The following ODAD4 variants were observed in gnomAD, a reference collection of about 807,000 sequenced individuals.
ODAD4 encodes outer dynein arm docking complex subunit 4, also known as outer dynein arm-docking complex subunit 4.
ODAD4 carries 49 observed loss-of-function variants against 51.8 expected under a neutral mutation model. The ratio of observed to expected loss-of-function variants is 0.95; its 90% CI spans 0.75 to 1.20. The LOEUF (loss-of-function observed/expected upper bound fraction) is 1.20. ODAD4 is among the 50% of genes most tolerant of loss of function. The pLI, the probability that ODAD4 is intolerant of heterozygous loss-of-function variation, is 0.00. For missense variants in ODAD4, 590 were observed against 586.5 expected (o/e 1.01, Z -0.06); for synonymous variants, 235 against 221.3 (o/e 1.06, Z -0.55).
intron 10 of ODAD4, 111 bp downstream of exon 10, chr17:41,955,428 T>G: frequency 1.6e-6 from 1 of 635,306 alleles, no homozygotes; most frequent in Non-Finnish European, 2.8e-6. Context: ...TTTTTTTGTT[T>G]GTTTGTTTAT....
intron 9 of ODAD4, among the ~76,000 whole-genome samples, chr17:41,953,069 A>AT (rs1567936829): frequency 6.6e-6 from 1 of 151,630 alleles, no homozygotes; most frequent in East Asian, 1.9e-4. Context: ...ATTTTATTTT[A>AT]TTTATTTTTG....
At chr17:41,935,906 G>A (rs527853678) in intron 3 of ODAD4, among the ~76,000 whole-genome samples, 157 bp downstream of exon 3, 11 of 152,308 alleles carry the variant, frequency 7.2e-5, no homozygotes, top group African/African-American at 1.9e-4. Flanking sequence ...AGGATTAGCC[G>A]GGCATGGTGG....
chr17:41,955,171 G>A (rs781991510), intron 9 of ODAD4, 46 bp from the exon 10 acceptor site: 15 of 750,058 alleles, frequency 2.0e-5, no homozygotes, highest in African/African-American at 6.8e-5. Flanking sequence ...TGCACCACAC[G>A]TTGTCACACT....
Position 41,936,842 on chromosome 17 carries a change from G to A in ODAD4, c.540G>A (p.Ser180=), listed in dbSNP as rs1172489262. 2.0e-5 allele frequency: 32 copies of A among 1,613,816 alleles called. No homozygotes were observed. Among genetic ancestry groups the A allele is most frequent in the East Asian group, 1.3e-4 (6 of 44,892 alleles). The part of the protein sequence containing the change: ...PTKGEPKWKA[S]LKSEKTVRQL... ...AGGGAGAGCCCAAGTGGAAGGCCTC[G>A]CTCAAGAGTGAGAAGACTGTCCGCC... The change falls in exon 5 of 12, where the codon TCG becomes TCA. Residue 180 remains serine, a synonymous_variant. Transcript: ENST00000377540.
intron 10 of ODAD4, among the ~76,000 whole-genome samples, chr17:41,955,743 A>G (rs781808242): frequency 6.6e-6 from 1 of 151,946 alleles, no homozygotes; most frequent in Non-Finnish European, 1.5e-5. Flanking sequence ...AATTTTACAA[A>G]ATATATTTAC....
At chr17:41,941,117 G>C (rs191406974) in intron 7 of ODAD4, among the ~76,000 whole-genome samples, 18 of 152,318 alleles carry the variant, frequency 1.2e-4, no homozygotes, top group Non-Finnish European at 2.5e-4. Context: ...GCCATGTCTT[G>C]TCCTGTCCAT....
intron 10 of ODAD4, among the ~76,000 whole-genome samples, chr17:41,957,224 A>G (rs1340132113): frequency 6.6e-6 from 1 of 152,074 alleles, no homozygotes; most frequent in Non-Finnish European, 1.5e-5. Flanking sequence ...AGCAGTCCCC[A>G]AGCTTTTTGG....
At chr17:41,938,485 C>T (rs1197320285) in intron 5 of ODAD4, 72 bp from the exon 6 acceptor site, 32 of 1,309,260 alleles carry the variant, frequency 2.4e-5, no homozygotes, top group Non-Finnish European at 3.0e-5. Flanking sequence ...CAGCGGCCAC[C>T]GGGAGGAAAC....
rs185072760 is a variant in ODAD4 at position 41,963,880 on chromosome 17, A to C, written c.1529-1113A>C. Among the ~76,000 whole-genome samples, 505 of 139,922 alleles carry C rather than the reference A, an allele frequency of 3.6e-3. 2 individuals are homozygous for C. Among genetic ancestry groups the C allele is most frequent in the African/African-American group, 0.013 (468 of 36,530 alleles). The allele number at this position is 139,922 out of a possible 152,430, so 91.8% of individuals were successfully genotyped here. On this transcript the variant is annotated intron_variant, in intron 11 of 11. Transcript: ENST00000377540. Reference sequence around the variant, plus strand: ...CTCAGCCTCCCAAAGTGCTGGGATTACAGGCATGAGCCACTGTGCCTTTTT... The same window carrying C: ...CTCAGCCTCCCAAAGTGCTGGGATTCCAGGCATGAGCCACTGTGCCTTTTT...
chr17:41,938,603 C>T lies in ODAD4; in HGVS notation c.672C>T (p.Leu224=). The T allele has an allele frequency of 1.9e-6, 3 of 1,613,930 alleles. No homozygotes were observed. The highest frequency in any genetic ancestry group is 2.5e-6 in the Non-Finnish European group (3 of 1,179,888). ...TMKGGLTVED[L]IMTGINYLDT... is the part of the protein sequence containing the mutation. ...AGGGCGGCCTGACTGTGGAGGACCT[C>T]ATCATGACGGGCATCAACTACCTGG... Residue 224 remains leucine (L), a synonymous_variant, in exon 6 of 12, where the codon CTC becomes CTT. Coordinates refer to ENST00000377540, the MANE Select transcript of ODAD4 (RefSeq NM_031421.5).
chr17:41,938,664 A>G lies in ODAD4; in HGVS notation c.733A>G (p.Ile245Val). 6.2e-7 allele frequency: 1 copy of G among 1,613,988 alleles called. No individual in the cohort carries two copies. Among genetic ancestry groups the G allele is most frequent in the Non-Finnish European group, 8.5e-7 (1 of 1,179,898 alleles). Residue 245 changes from isoleucine (I) to valine (V), a missense_variant, in exon 6 of 12, where the codon ATC (isoleucine) becomes GTC (valine). Physicochemically the swap from Ile to Val is conservative, Grantham distance 29. Transcript: ENST00000377540. ...CAACTTCTGGAGGCAGCAGAAGCCGATCTACGCCAGGGAGCGGGACCGGAA... is the reference window on the plus strand; with the variant it reads ...CAACTTCTGGAGGCAGCAGAAGCCGGTCTACGCCAGGGAGCGGGACCGGAA... ...HSNFWRQQKP[I>V]YARERDRKLM...
At chr17:41,931,077 G>C (rs2050327881) in intron 1 of ODAD4, among the ~76,000 whole-genome samples, 1 of 151,692 alleles carries the variant, frequency 6.6e-6, no homozygotes. Context: ...TGTCTTTTTA[G>C]TAGAGATGGG....
intron 9 of ODAD4, among the ~76,000 whole-genome samples, chr17:41,951,353 G>A (rs901218627): frequency 3.9e-5 from 6 of 152,160 alleles, no homozygotes; most frequent in East Asian, 1.9e-4. Flanking sequence ...AAAGTGCTGG[G>A]ATTACAGTTG....
At chr17:41,938,938 C>T (rs1555638293) in intron 6 of ODAD4, 27 bp from the exon 7 acceptor site, 1 of 1,600,884 alleles carries the variant, frequency 6.2e-7, no homozygotes. Context: ...CTGCCCTGGC[C>T]TCCACAGCAC....
chr17:41,953,668 T>TATATAGAGAG (rs71155199), intron 9 of ODAD4, among the ~76,000 whole-genome samples: 1 of 145,018 alleles, frequency 6.9e-6, no homozygotes, highest in South Asian at 2.2e-4. Flanking sequence ...TATATATATA[T>TATATAGAGAG]AGAGAGAGAG....
chr17:41,961,350 C>T (rs782390304), intron 10 of ODAD4, 32 bp from the exon 11 acceptor site: 2 of 726,164 alleles, frequency 2.8e-6, no homozygotes, highest in Non-Finnish European at 5.1e-6. Flanking sequence ...AGGTGCCAAA[C>T]ACAGGGGCTA....
Position 41,955,264 on chromosome 17 carries a change from C to T in ODAD4, c.1390C>T (p.Leu464=). The T allele has an allele frequency of 1.3e-6, 1 of 780,124 alleles. No homozygotes were observed. Among genetic ancestry groups the T allele is most frequent in the Non-Finnish European group, 2.4e-6 (1 of 417,724 alleles). The allele number at this position is 780,124 out of a possible 1,614,324, so 48.3% of individuals were successfully genotyped here. A position where few individuals can be genotyped will look rare whatever the true frequency, so the allele number is the denominator to read the frequency against. The change falls in exon 10 of 12, where the codon CTG becomes TTG. Residue 464 remains leucine, a synonymous_variant. Transcript: ENST00000377540. ...AGCCGTGAACAATTTTGAGAAGGCC[C>T]TGGAGAGAGCAAAGCTTGTGCATAA... ...ESAVNNFEKA[L]ERAKLVHNNE...
chr17:41,966,021 C>T lies in ODAD4; in HGVS notation c.*538C>T, dbSNP rs1555642707. 1.3e-5 allele frequency among the ~76,000 whole-genome samples: 2 copies of T among 152,206 alleles called. No individual in the cohort carries two copies. The highest frequency in any genetic ancestry group is 2.9e-5 in the Non-Finnish European group (2 of 68,036). On this transcript the variant is annotated 3_prime_UTR_variant, in exon 12 of 12. Coordinates refer to ENST00000377540, the MANE Select transcript of ODAD4 (RefSeq NM_031421.5). ...GAGGGCAGACAGACTCCGCCTCTGA[C>T]ACCTCTGGGTGGCATAATCAGGTAA...
At chr17:41,935,540 A>G in intron 2 of ODAD4, 59 bp from the exon 3 acceptor site, 1 of 1,567,444 alleles carries the variant, frequency 6.4e-7, no homozygotes. Flanking sequence ...CTGTTCCACC[A>G]CATGTGAGTC....
Sources: allele counts gnomAD v4.1 joint callset (sites outside exome capture counted in the v4.1 genomes callset), GRCh38; gene constraint gnomAD v4.1.1; transcripts MANE v1.5; gene names NCBI Gene and HGNC (gene_info 2026-07-23, HGNC 2026-07-21).